The following KLHDC4 variants were observed in gnomAD, a reference collection of about 807,000 sequenced individuals.
KLHDC4 encodes the protein kelch domain containing 4, also known as kelch domain-containing protein 4.
A neutral mutation model predicts 62.4 loss-of-function variants in KLHDC4; 90 were observed. The ratio of observed to expected loss-of-function variants is 1.44; its 90% CI spans 1.22 to 1.72. KLHDC4 has a LOEUF of 1.72. KLHDC4 is among the 40% of genes most tolerant of loss of function. KLHDC4 has a pLI of 0.00. For missense variants in KLHDC4, 1,025 were observed against 699.7 expected, an observed-to-expected ratio of 1.47 and a Z score of -5.25; for synonymous variants, 386 against 284.4, an observed-to-expected ratio of 1.36 and a Z score of -3.59.
chr16:87,748,955 GC>G, intron 4 of KLHDC4, 146 bp from the exon 5 acceptor site: 1 of 866,954 alleles, frequency 1.2e-6, no homozygotes, highest in South Asian at 2.2e-5. Context: ...TTCCTCTCCT[GC>G]CTCTAAGGGG....
chr16:87,746,772 C>T (rs537446980), intron 5 of KLHDC4, among the ~76,000 whole-genome samples: 4 of 152,286 alleles, frequency 2.6e-5, no homozygotes, highest in Non-Finnish European at 4.4e-5. Context: ...GGCCAAGAAT[C>T]GCAACTACAT....
chr16:87,724,791 A>G (rs997955778), intron 7 of KLHDC4, among the ~76,000 whole-genome samples: 2 of 151,858 alleles, frequency 1.3e-5, no homozygotes, highest in Non-Finnish European at 2.9e-5. Context: ...TAACACCCAC[A>G]CCCACACCCA....
chr16:87,709,567 A>C lies in KLHDC4; in HGVS notation c.1145T>G (p.Val382Gly). 6.2e-7 allele frequency: 1 copy of C among 1,613,046 alleles called. No individual in the cohort carries two copies. The highest frequency in any genetic ancestry group is 8.5e-7 in the Non-Finnish European group (1 of 1,179,964). ...GGCCACCACCTCCTTGACCAGCTGC[A>C]CAGGCCCCTGGGTGCCAGCTCCCCC... ...ACGGAGTQGP[V>G]QLVKEVVAED... Residue 382 changes from valine (V) to glycine (G), a missense_variant, in exon 10 of 12, where the codon GTG becomes GGG. Val to Gly is a moderately radical substitution (Grantham distance 109). Coordinates refer to ENST00000270583, the MANE Select transcript of KLHDC4 (RefSeq NM_017566.4).
At chr16:87,711,880 C>G (rs1430637955) in intron 8 of KLHDC4, among the ~76,000 whole-genome samples, 2 of 136,886 alleles carry the variant, frequency 1.5e-5, no homozygotes, top group East Asian at 2.0e-4. Context: ...ACCCTCCACC[C>G]TGCACGGGGA....
chr16:87,749,194 G>A (rs897238548), intron 4 of KLHDC4, among the ~76,000 whole-genome samples: 3 of 151,794 alleles, frequency 2.0e-5, no homozygotes, highest in Non-Finnish European at 4.4e-5. Context: ...GCCTGCTCTC[G>A]TTAATCCCTC....
intron 7 of KLHDC4, among the ~76,000 whole-genome samples, chr16:87,724,991 C>G (rs147322458): frequency 1.3e-5 from 2 of 152,178 alleles, no homozygotes; most frequent in Admixed American, 1.3e-4. Context: ...AACTGTGGGA[C>G]AGTCATATAA....
At chr16:87,751,795 C>T (rs1358910797) in intron 4 of KLHDC4, among the ~76,000 whole-genome samples, 7 of 151,782 alleles carry the variant, frequency 4.6e-5, no homozygotes, top group South Asian at 2.1e-4. Flanking sequence ...TGAAGTCGGC[C>T]GGGCACGGTG....
At chr16:87,729,145 T>A (rs543476720) in intron 6 of KLHDC4, among the ~76,000 whole-genome samples, 53 of 152,252 alleles carry the variant, frequency 3.5e-4, no homozygotes, top group African/African-American at 1.2e-3. Flanking sequence ...AGAATTTGGA[T>A]CCCTTTTCCC....
chr16:87,752,721 G>T (rs1024646190), intron 4 of KLHDC4, among the ~76,000 whole-genome samples: 1 of 152,154 alleles, frequency 6.6e-6, no homozygotes, highest in Non-Finnish European at 1.5e-5. Flanking sequence ...CCCAAAGGCA[G>T]GCTGATCAGC....
exon 1 of KLHDC4, chr16:87,698,726 T>C (rs900805380): frequency 1.3e-4 from 19 of 151,954 alleles, no homozygotes; most frequent in African/African-American, 4.6e-4. Flanking sequence ...CCACATGGGG[T>C]GATTAAGCAG....
At chr16:87,741,308 C>A (rs1290244317) in intron 5 of KLHDC4, among the ~76,000 whole-genome samples, 4 of 152,210 alleles carry the variant, frequency 2.6e-5, no homozygotes, top group African/African-American at 9.6e-5. Flanking sequence ...CTGCTGCCTG[C>A]CAGTTGGAGG....
At chr16:87,704,317 G>C (rs943159676), downstream of KLHDC4, among the ~76,000 whole-genome samples, 3 of 149,154 alleles carry the variant, frequency 2.0e-5, no homozygotes, top group African/African-American at 7.4e-5. Flanking sequence ...GGGGAAGGAG[G>C]CGCCTGGGGA....
chr16:87,710,968 G>C (rs1055693446), intron 9 of KLHDC4: 4 of 463,502 alleles, frequency 8.6e-6, no homozygotes, highest in Non-Finnish European at 1.6e-5. Flanking sequence ...ACAGAGGGCC[G>C]GGGAGGTCCC....
intron 6 of KLHDC4, among the ~76,000 whole-genome samples, chr16:87,727,307 G>A (rs371557786): frequency 2.0e-5 from 3 of 152,306 alleles, no homozygotes; most frequent in African/African-American, 2.4e-5. Flanking sequence ...GCCATACTGC[G>A]TTTTCTTACA....
At chr16:87,749,445 T>A (rs956329272) in intron 4 of KLHDC4, among the ~76,000 whole-genome samples, 1 of 151,146 alleles carries the variant, frequency 6.6e-6, no homozygotes, top group African/African-American at 2.4e-5. Flanking sequence ...TCCCAGCTGC[T>A]TGGGAGGCTA....
rs1597531057 is a variant in KLHDC4 at position 87,726,998 on chromosome 16, T to G, written c.600-74A>C. The G allele has an allele frequency of 1.2e-5, 18 of 1,495,486 alleles. No homozygotes were observed. In the East Asian group the frequency reaches 3.9e-4, roughly 32 times the overall value. 92.6% of individuals were successfully genotyped at this position (1,495,486 alleles called of 1,614,324 possible). ...CCTGACATTAAAAACTGAACTGATT[T>G]AAATTAAAGGTAAATTTCCTACTGT... On this transcript the variant is annotated intron_variant, in intron 6 of 11. Coordinates refer to ENST00000270583, the MANE Select transcript of KLHDC4 (RefSeq NM_017566.4).
At position 87,714,530 on chromosome 16, in the gene KLHDC4, A is replaced by G. The variant is rs1287587034; in HGVS notation, c.803T>C (p.Met268Thr). 4 of 1,614,008 alleles carry G rather than the reference A, an allele frequency of 2.5e-6. No homozygotes were observed. The highest frequency in any genetic ancestry group is 2.2e-5 in the East Asian group (1 of 44,878). Residue 268 changes from methionine to threonine, a missense_variant, in exon 8 of 12, where the codon ATG (methionine) becomes ACG (threonine). Transcript: ENST00000270583. Reference protein sequence around the residue: ...DVDKGTRHSDMFLLKPEDGRE... With the variant: ...DVDKGTRHSDTFLLKPEDGRE... ...TCCGTCCTCTGGCTTCAGCAGGAAC[A>G]TGTCTGAGTGCCGTGTGCCCTTGTC... is the stretch of plus-strand genomic sequence containing the variant.
At chr16:87,755,085 G>C (rs894288545) in intron 4 of KLHDC4, 109 bp downstream of exon 4, 9 of 698,306 alleles carry the variant, frequency 1.3e-5, no homozygotes, top group Non-Finnish European at 2.3e-5. Flanking sequence ...GCGATCTACA[G>C]GGCCCAGCCC....
At chr16:87,746,298 G>C (rs978761109) in intron 5 of KLHDC4, among the ~76,000 whole-genome samples, 3 of 149,996 alleles carry the variant, frequency 2.0e-5, no homozygotes, top group Admixed American at 6.7e-5. Context: ...AAGAAAGGAA[G>C]GAGAAAGAGA....
Sources: allele counts gnomAD v4.1 joint callset (sites outside exome capture counted in the v4.1 genomes callset), GRCh38; gene constraint gnomAD v4.1.1; transcripts MANE v1.5; gene names NCBI Gene and HGNC (gene_info 2026-07-23, HGNC 2026-07-21).